Variants in TRPS1 observed in about 807,000 individuals in gnomAD.
TRPS1 encodes the protein transcriptional repressor GATA binding 1.
Under a neutral mutation model 101.2 loss-of-function variants are expected in TRPS1, and 6 were observed. That is an observed-to-expected ratio of 0.06 (90% CI 0.03 to 0.12). The LOEUF (loss-of-function observed/expected upper bound fraction) is 0.12. Ranked by LOEUF, TRPS1 falls within the 10% of genes least tolerant of loss-of-function variation. The probability of loss-of-function intolerance (pLI) is 1.00; values close to 1 mark genes in which losing one functional copy is unlikely to be tolerated. For missense variants in TRPS1, 1,363 were observed against 1,567.0 expected, an observed-to-expected ratio of 0.87 and a Z score of 2.20; for synonymous variants, 578 against 589.8, an observed-to-expected ratio of 0.98 and a Z score of 0.29.
At chr8:115,461,463 G>C (rs1814176247) in intron 5 of TRPS1, among the ~76,000 whole-genome samples, 1 of 152,094 alleles carries the variant, frequency 6.6e-6, no homozygotes, top group Non-Finnish European at 1.5e-5. Context: ...TGTTTACTTA[G>C]ATGCCTTCCC....
At chr8:115,483,187 G>A (rs1009651086) in intron 5 of TRPS1, among the ~76,000 whole-genome samples, 2 of 152,072 alleles carry the variant, frequency 1.3e-5, no homozygotes, top group African/African-American at 4.8e-5. Flanking sequence ...TATACTTATT[G>A]GTGATTAGAA....
intron 5 of TRPS1, among the ~76,000 whole-genome samples, chr8:115,507,708 C>G (rs1302185171): frequency 6.6e-6 from 1 of 152,070 alleles, no homozygotes; most frequent in African/African-American, 2.4e-5. Context: ...ATAATACATG[C>G]CAGTCCTAAT....
At chr8:115,479,859 A>C (rs59917478) in intron 5 of TRPS1, among the ~76,000 whole-genome samples, 4,951 of 152,236 alleles carry the variant, frequency 0.033, 263 homozygotes, top group African/African-American at 0.11. Context: ...TTCTCTCCAC[A>C]TCATTTGATC....
chr8:115,658,478 G>GAT (rs1394365685), intron 1 of TRPS1, among the ~76,000 whole-genome samples: 2 of 152,068 alleles, frequency 1.3e-5, no homozygotes, highest in South Asian at 2.1e-4. Context: ...CTTCTGTTCA[G>GAT]ATATATATAC....
intron 1 of TRPS1, among the ~76,000 whole-genome samples, chr8:115,657,612 A>T (rs1185906380): frequency 6.6e-6 from 1 of 152,126 alleles, no homozygotes; most frequent in South Asian, 2.1e-4. Context: ...TCCAGAAAAC[A>T]TGACTTTCAA....
intron 5 of TRPS1, among the ~76,000 whole-genome samples, chr8:115,566,157 T>G (rs1401859839): frequency 1.3e-5 from 2 of 152,172 alleles, no homozygotes; most frequent in African/African-American, 4.8e-5. Flanking sequence ...AATATCTACA[T>G]GTAGTCTGTT....
At chr8:115,658,548 A>C (rs1021200769) in intron 1 of TRPS1, among the ~76,000 whole-genome samples, 1 of 152,158 alleles carries the variant, frequency 6.6e-6, no homozygotes, top group African/African-American at 2.4e-5. Flanking sequence ...AAACCTGCTA[A>C]TACTACTATC....
intron 5 of TRPS1, among the ~76,000 whole-genome samples, chr8:115,577,759 C>CA (rs1324024492): frequency 6.6e-6 from 1 of 151,718 alleles, no homozygotes; most frequent in Admixed American, 6.6e-5. Flanking sequence ...TATATTTCAG[C>CA]AAAAAAATAA....
intron 5 of TRPS1, among the ~76,000 whole-genome samples, chr8:115,526,233 C>T (rs1211929003): frequency 2.6e-5 from 4 of 152,008 alleles, no homozygotes; most frequent in Admixed American, 1.3e-4. Context: ...CTCTTGAACC[C>T]GGGAGCTGGA....
chr8:115,499,955 CTTTCTTTCTTTTCT>C (rs750686727), intron 5 of TRPS1, among the ~76,000 whole-genome samples: 11,130 of 68,626 alleles, frequency 0.16, 456 homozygotes, highest in East Asian at 0.32. Context: ...TTCTTTCTTT[CTTTCTTTCTTTTCT>C]TTTCTTTTCT....
chr8:115,448,995 G>A (rs1158026940), intron 5 of TRPS1, among the ~76,000 whole-genome samples: 1 of 152,050 alleles, frequency 6.6e-6, no homozygotes, highest in Non-Finnish European at 1.5e-5. Context: ...AAAACACTTG[G>A]AACCACATAT....
chr8:115,422,414 T>G (rs1260427966), intron 5 of TRPS1, among the ~76,000 whole-genome samples: 1 of 151,916 alleles, frequency 6.6e-6, no homozygotes, highest in Non-Finnish European at 1.5e-5. Context: ...TTGCCCAGGC[T>G]GGAGGGCAGT....
At chr8:115,660,488 T>C (rs1444282332) in intron 1 of TRPS1, among the ~76,000 whole-genome samples, 1 of 151,910 alleles carries the variant, frequency 6.6e-6, no homozygotes, top group Non-Finnish European at 1.5e-5. Flanking sequence ...GCTTGGGACA[T>C]ATATAGCAGA....
intron 5 of TRPS1, among the ~76,000 whole-genome samples, chr8:115,489,020 T>A (rs1814956713): frequency 6.6e-6 from 1 of 152,156 alleles, no homozygotes; most frequent in African/African-American, 2.4e-5. Flanking sequence ...ACTTTTAAAC[T>A]CCCACTCCAT....
At chr8:115,495,108 T>C (rs1036015975) in intron 5 of TRPS1, among the ~76,000 whole-genome samples, 1 of 152,160 alleles carries the variant, frequency 6.6e-6, no homozygotes, top group Non-Finnish European at 1.5e-5. Context: ...GCAGAGGATG[T>C]ACCATGGCTA....
chr8:115,619,845 T>C lies in TRPS1; in HGVS notation c.253A>G (p.Lys85Glu), dbSNP rs760300428. ...AGAACTGCGCTTTTCAAGTCCTTCT[T>C]ACTGCTAGAAGATGGATCTTGAACA... Reference protein sequence around the residue: ...LHVQDPSSSSKKDLKSAVLSE... With the variant: ...LHVQDPSSSSEKDLKSAVLSE... Residue 85 changes from lysine (K) to glutamate (E), a missense_variant, in exon 3 of 7, where the codon AAG becomes GAG. Transcript: ENST00000395715. 4.2e-5 allele frequency: 67 copies of C among 1,614,096 alleles called. 2 individuals carry two copies. The highest frequency in any genetic ancestry group is 5.9e-6 in the Non-Finnish European group (7 of 1,180,040).
chr8:115,443,353 G>C (rs1813655712), intron 5 of TRPS1, among the ~76,000 whole-genome samples: 1 of 152,158 alleles, frequency 6.6e-6, no homozygotes. Context: ...CATATTACTA[G>C]GTTCATTTTC....
chr8:115,653,536 T>C (rs1042587063), intron 1 of TRPS1, among the ~76,000 whole-genome samples: 2 of 152,220 alleles, frequency 1.3e-5, no homozygotes, highest in African/African-American at 4.8e-5. Context: ...TCTGATTTAA[T>C]TGATTATATC....
At chr8:115,466,978 A>G (rs1024575287) in intron 5 of TRPS1, among the ~76,000 whole-genome samples, 1 of 152,066 alleles carries the variant, frequency 6.6e-6, no homozygotes, top group African/African-American at 2.4e-5. Flanking sequence ...ATCCCCTCAG[A>G]ATGGAATAAA....
Sources: gnomAD v4.1 joint callset for allele counts (sites outside exome capture counted in the v4.1 genomes callset) on GRCh38, gnomAD v4.1.1 for gene constraint, MANE v1.5 for transcripts, NCBI Gene and HGNC (gene_info 2026-07-23, HGNC 2026-07-21) for gene names.